The following C6 variants were observed in gnomAD, a reference collection of about 807,000 sequenced individuals.
C6 encodes complement C6, also known as complement component C6.
Under a neutral mutation model 112.9 loss-of-function variants are expected in C6, and 101 were observed. That is an observed-to-expected ratio of 0.89 (90% CI 0.76 to 1.06). The LOEUF (loss-of-function observed/expected upper bound fraction) is 1.06, where lower values mean the gene tolerates loss of function less well. C6 is among the 50% of genes least tolerant of loss of function. C6 has a pLI of 0.00. For missense variants in C6, 1,202 were observed against 1,104.6 expected (o/e 1.09, Z -1.25); for synonymous variants, 431 against 384.1 (o/e 1.12, Z -1.43).
intron 9 of C6, among the ~76,000 whole-genome samples, chr5:41,167,235 G>T (rs1342553828): frequency 6.6e-6 from 1 of 152,028 alleles, no homozygotes; most frequent in African/African-American, 2.4e-5. Flanking sequence ...GAAGGCTAGG[G>T]TTTTTAATGT....
intron 7 of C6, among the ~76,000 whole-genome samples, chr5:41,176,952 G>A (rs1483981953): frequency 6.6e-6 from 1 of 152,102 alleles, no homozygotes; most frequent in Non-Finnish European, 1.5e-5. Context: ...GTGTAATGGG[G>A]GCACGTGTTC....
intron 1 of C6, among the ~76,000 whole-genome samples, chr5:41,259,495 A>T (rs2150447624): frequency 6.8e-6 from 1 of 146,434 alleles, no homozygotes; most frequent in Admixed American, 7.1e-5. Context: ...TAGTTGTCCC[A>T]ATTTTCAGCC....
chr5:41,211,054 G>T (rs1264087373), intron 1 of C6, among the ~76,000 whole-genome samples: 5 of 152,188 alleles, frequency 3.3e-5, no homozygotes. Flanking sequence ...ATACTATGTA[G>T]CCATAAAAAA....
intron 5 of C6, among the ~76,000 whole-genome samples, chr5:41,186,902 G>A (rs1185776976): frequency 1.3e-5 from 2 of 151,378 alleles, no homozygotes; most frequent in African/African-American, 2.4e-5. Context: ...TATTTAAGAG[G>A]TTATTTTGTT....
intron 7 of C6, among the ~76,000 whole-genome samples, chr5:41,178,116 G>T (rs188475207): frequency 6.6e-6 from 1 of 152,242 alleles, no homozygotes; most frequent in Admixed American, 6.5e-5. Context: ...CATGATACCT[G>T]AAACTGGCTA....
At chr5:41,153,439 T>TA (rs370807649) in intron 15 of C6, among the ~76,000 whole-genome samples, 3 of 148,874 alleles carry the variant, frequency 2.0e-5, no homozygotes, top group Admixed American at 6.6e-5. Context: ...CACTGACACT[T>TA]ACATTCCTTG....
chr5:41,149,841 G>A, intron 16 of C6, 94 bp downstream of exon 16: 1 of 843,242 alleles, frequency 1.2e-6, no homozygotes, highest in Admixed American at 1.8e-5. Context: ...TTTATTTCAT[G>A]TCTGTGCTTC....
At chr5:41,192,629 C>A (rs1750305118) in intron 5 of C6, among the ~76,000 whole-genome samples, 1 of 151,746 alleles carries the variant, frequency 6.6e-6, no homozygotes, top group South Asian at 2.1e-4. Context: ...AGGAATTTAT[C>A]CATTTCTTTT....
At position 41,181,458 on chromosome 5, in the gene C6, C is replaced by G. The variant is rs1328981552; in HGVS notation, c.828G>C (p.Gly276=). ...AAAAAATTGGTACACTGAAAGAGCT[C>G]CCCCCCTGACTTGAGAATGAGCCTT... is the stretch of plus-strand genomic sequence containing the variant. The part of the protein sequence containing the change: ...NQQGSFSSQG[G]SSFSVPIFYS... Residue 276 remains glycine, a synonymous_variant, in exon 7 of 18, where the codon GGG becomes GGC. Coordinates refer to ENST00000337836, the MANE Select transcript of C6 (RefSeq NM_000065.5). 1.9e-6 allele frequency: 3 copies of G among 1,610,514 alleles called. No homozygotes were observed. Among genetic ancestry groups the G allele is most frequent in the Non-Finnish European group, 2.5e-6 (3 of 1,177,054 alleles).
chr5:41,213,512 G>A lies in C6; in HGVS notation c.-157C>T, dbSNP rs1752070674. On this transcript the variant is annotated 5_prime_UTR_variant, in exon 1 of 18. Transcript: ENST00000337836. ...TTATTGCTAGCTAACACAAGGCAAT[G>A]CTGTCATATCCCAGAAGCCTAGCAA... 1.0e-6 allele frequency: 1 copy of A among 985,226 alleles called. No individual in the cohort carries two copies. The highest frequency in any genetic ancestry group is 1.2e-6 in the Non-Finnish European group (1 of 829,782). 61.0% of individuals were successfully genotyped at this position (985,226 alleles called of 1,614,324 possible). A position where few individuals can be genotyped will look rare whatever the true frequency, so the allele number is the denominator to read the frequency against.
rs375385879 is a variant in C6, at chr5:41,220,588, T to C, written c.-20-17338A>G. On this transcript the variant is annotated intron_variant, in intron 1 of 17. Coordinates refer to the C6 transcript ENST00000263413. Reference sequence around the variant, plus strand: ...GCCTATCTTTTTTACTATAACCATATGAGTGAGGTGCAGTCATATCTCATT... The same window carrying C: ...GCCTATCTTTTTTACTATAACCATACGAGTGAGGTGCAGTCATATCTCATT... 1.2e-3 allele frequency among the ~76,000 whole-genome samples: 184 copies of C among 152,306 alleles called. 1 individual carries two copies. Among genetic ancestry groups the C allele is most frequent in the African/African-American group, 4.3e-3 (179 of 41,584 alleles).
At chr5:41,206,735 C>A (rs2150378456) in intron 1 of C6, among the ~76,000 whole-genome samples, 1 of 152,170 alleles carries the variant, frequency 6.6e-6, no homozygotes, top group Admixed American at 6.5e-5. Flanking sequence ...GTGAAAAGAC[C>A]AAATCTACGT....
rs752326591 is a variant in C6 at position 41,176,458 on chromosome 5, G to C, written c.1168+17C>G. ...CTATCATACCAGTTAAAAAGAGTGA[G>C]GACTGAAGAAAGTTACCTGAGTTCT... On this transcript the variant is annotated intron_variant, in intron 8 of 17. Transcript: ENST00000337836. 13 of 1,612,148 alleles carry C rather than the reference G, an allele frequency of 8.1e-6. No individual in the cohort carries two copies. In the Admixed American group the frequency reaches 2.2e-4, roughly 27 times the overall value.
chr5:41,220,852 A>G (rs1739119246), intron 1 of C6, among the ~76,000 whole-genome samples: 1 of 151,194 alleles, frequency 6.6e-6, no homozygotes, highest in African/African-American at 2.4e-5. Flanking sequence ...CCTTTTCCCT[A>G]CTCCTTCTCC....
chr5:41,161,919 C>T, intron 9 of C6, 60 bp from the exon 10 acceptor site: 1 of 1,537,194 alleles, frequency 6.5e-7, no homozygotes, highest in Admixed American at 1.7e-5. Flanking sequence ...TATTCTAAAA[C>T]AAACAAACAA....
intron 5 of C6, among the ~76,000 whole-genome samples, chr5:41,193,916 C>T (rs1750413737): frequency 6.6e-6 from 1 of 151,394 alleles, no homozygotes; most frequent in Non-Finnish European, 1.5e-5. Flanking sequence ...CTCTCAGTCT[C>T]TGGGGAGGCA....
intron 1 of C6, among the ~76,000 whole-genome samples, chr5:41,248,151 C>A (rs1298492935): frequency 1.3e-5 from 2 of 150,840 alleles, no homozygotes; most frequent in African/African-American, 4.9e-5. Context: ...CTGTATCTTT[C>A]ACCATATACA....
intron 1 of C6, among the ~76,000 whole-genome samples, chr5:41,249,285 A>G (rs918091119): frequency 6.6e-6 from 1 of 152,180 alleles, no homozygotes; most frequent in African/African-American, 2.4e-5. Context: ...TGAATCTAAA[A>G]TACAAGTTGA....
intron 9 of C6, among the ~76,000 whole-genome samples, chr5:41,163,473 T>C (rs56080361): frequency 0.082 from 12,498 of 152,126 alleles, 820 homozygotes; most frequent in African/African-American, 0.18. Flanking sequence ...TCACCAGGCC[T>C]AGCTAATTTT....
Sources: gnomAD v4.1 joint callset for allele counts (sites outside exome capture counted in the v4.1 genomes callset) on GRCh38, gnomAD v4.1.1 for gene constraint, MANE v1.5 for transcripts, NCBI Gene and HGNC (gene_info 2026-07-23, HGNC 2026-07-21) for gene names.